Variants in KCNB2 observed in about 807,000 individuals in gnomAD.
KCNB2 encodes the protein delayed rectifier potassium channel protein.
Under a neutral mutation model 61.5 loss-of-function variants are expected in KCNB2, and 15 were observed. The observed-to-expected ratio is 0.24, with a 90% CI of 0.16 to 0.38. The LOEUF is 0.38. Among genes scored for constraint, KCNB2 ranks in the 10% least tolerant of loss-of-function variants. The pLI, the probability that KCNB2 is intolerant of heterozygous loss-of-function variation, is 1.00. For synonymous variants in KCNB2, 457 were observed against 446.0 expected (o/e 1.02, Z -0.31); for missense variants, 828 against 1,125.2 (o/e 0.74, Z 3.78).
At chr8:72,626,950 C>T (rs948552164) in intron 2 of KCNB2, among the ~76,000 whole-genome samples, 4 of 152,192 alleles carry the variant, frequency 2.6e-5, no homozygotes, top group Non-Finnish European at 5.9e-5. Flanking sequence ...TCACTTTTTA[C>T]ATAACCAGGC....
intron 2 of KCNB2, among the ~76,000 whole-genome samples, chr8:72,796,598 A>AT (rs5892369): frequency 0.1 from 15,277 of 152,072 alleles, 1,051 homozygotes; most frequent in East Asian, 0.38. Context: ...TATATAGGTC[A>AT]TTTTTTTGAG....
chr8:72,632,724 A>G (rs1429909993), intron 2 of KCNB2, among the ~76,000 whole-genome samples: 8 of 152,172 alleles, frequency 5.3e-5, no homozygotes, highest in Admixed American at 6.6e-5. Context: ...GTCAGAACCA[A>G]TGCTGTTAAT....
chr8:72,666,591 G>A (rs563779758), intron 2 of KCNB2, among the ~76,000 whole-genome samples: 1 of 151,958 alleles, frequency 6.6e-6, no homozygotes, highest in East Asian at 1.9e-4. Flanking sequence ...TATTCAGTAA[G>A]TTGTCTGAAA....
chr8:72,768,376 T>C (rs1034120582), intron 2 of KCNB2, among the ~76,000 whole-genome samples: 1 of 152,156 alleles, frequency 6.6e-6, no homozygotes, highest in African/African-American at 2.4e-5. Flanking sequence ...TGTTTTGCCA[T>C]GTTGCCCAGG....
intron 1 of KCNB2, among the ~76,000 whole-genome samples, chr8:72,547,949 T>C (rs189807858): frequency 2.2e-4 from 33 of 152,282 alleles, no homozygotes; most frequent in Admixed American, 5.2e-4. Context: ...GTTGTCTCAT[T>C]TTAAGAAATT....
At chr8:72,575,328 CATACT>C (rs1440126030) in intron 2 of KCNB2, among the ~76,000 whole-genome samples, 2 of 128,796 alleles carry the variant, frequency 1.6e-5, no homozygotes, top group Non-Finnish European at 3.1e-5. Context: ...TATTAATACT[CATACT>C]ATTGATTAGC....
chr8:72,905,125 C>G (rs1271208151), intron 2 of KCNB2, among the ~76,000 whole-genome samples: 1 of 152,108 alleles, frequency 6.6e-6, no homozygotes, highest in Non-Finnish European at 1.5e-5. Flanking sequence ...ACCTAAGGAC[C>G]AAAGTCTTTA....
chr8:72,577,507 GT>G (rs1420185968), intron 2 of KCNB2, among the ~76,000 whole-genome samples: 1 of 152,118 alleles, frequency 6.6e-6, no homozygotes, highest in Non-Finnish European at 1.5e-5. Context: ...ACAAACTTTT[GT>G]GATAACCTGA....
intron 2 of KCNB2, among the ~76,000 whole-genome samples, chr8:72,927,211 C>A (rs994392568): frequency 6.6e-6 from 1 of 152,014 alleles, no homozygotes; most frequent in African/African-American, 2.4e-5. Context: ...CACCGAGTAC[C>A]CTTCAGAATT....
intron 2 of KCNB2, among the ~76,000 whole-genome samples, chr8:72,588,006 G>A (rs1232761184): frequency 1.3e-5 from 2 of 151,938 alleles, no homozygotes; most frequent in Non-Finnish European, 2.9e-5. Flanking sequence ...TGCTCCTTGT[G>A]CACTGTTTTT....
chr8:72,585,499 C>T (rs1806988908), intron 2 of KCNB2, among the ~76,000 whole-genome samples: 1 of 152,170 alleles, frequency 6.6e-6, no homozygotes, highest in African/African-American at 2.4e-5. Context: ...AAGCATTAAT[C>T]ACATGATCAA....
At chr8:72,709,711 C>T (rs1245379373) in intron 2 of KCNB2, among the ~76,000 whole-genome samples, 2 of 152,010 alleles carry the variant, frequency 1.3e-5, no homozygotes. Flanking sequence ...CCCACCAGGC[C>T]CCACCTGCAG....
intron 2 of KCNB2, among the ~76,000 whole-genome samples, chr8:72,606,137 TG>T (rs1170693364): frequency 1.3e-5 from 2 of 152,200 alleles, no homozygotes; most frequent in African/African-American, 4.8e-5. Context: ...TTTAGCAGTA[TG>T]TTTATATTCT....
intron 2 of KCNB2, among the ~76,000 whole-genome samples, chr8:72,924,867 C>G (rs1774931107): frequency 6.6e-6 from 1 of 152,156 alleles, no homozygotes; most frequent in Non-Finnish European, 1.5e-5. Flanking sequence ...TCATAGGGCC[C>G]TGGAATGCAT....
intron 2 of KCNB2, among the ~76,000 whole-genome samples, chr8:72,610,669 G>A (rs1261764071): frequency 6.6e-6 from 1 of 152,060 alleles, no homozygotes. Context: ...TATGATGTAA[G>A]GTTTATTATT....
In KCNB2 at chr8:72,891,025, C is replaced by T. The variant is rs536704555; in HGVS notation, c.580-44910C>T. ...CTTAGAACCAGTAAAGTTACATAAG[C>T]GAAGACTGAATCCAAATGACACATA... On this transcript the variant is annotated intron_variant, in intron 2 of 2. Transcript: ENST00000523207. 5.3e-5 allele frequency among the ~76,000 whole-genome samples: 8 copies of T among 152,232 alleles called. No individual in the cohort carries two copies. The South Asian group carries it at 1.2e-3, about 24-fold the overall frequency.
chr8:72,713,282 T>C (rs972197852), intron 2 of KCNB2, among the ~76,000 whole-genome samples: 2 of 152,218 alleles, frequency 1.3e-5, no homozygotes, highest in South Asian at 2.1e-4. Context: ...CAGACTTAAA[T>C]GTCCCTGTCT....
chr8:72,563,168 C>T (rs537931762), intron 1 of KCNB2, among the ~76,000 whole-genome samples: 60 of 152,180 alleles, frequency 3.9e-4, no homozygotes, highest in African/African-American at 1.4e-3. Context: ...GACTGTGAGG[C>T]AGCATGATAA....
chr8:72,559,218 T>G (rs1251508050), intron 1 of KCNB2, among the ~76,000 whole-genome samples: 4 of 152,224 alleles, frequency 2.6e-5, no homozygotes, highest in African/African-American at 9.6e-5. Context: ...TGATCTGGGC[T>G]CATTGCAACC....
Sources: allele counts gnomAD v4.1 joint callset (sites outside exome capture counted in the v4.1 genomes callset), GRCh38; gene constraint gnomAD v4.1.1; transcripts MANE v1.5; gene names NCBI Gene and HGNC (gene_info 2026-07-23, HGNC 2026-07-21).